The following XKR6 variants were observed in gnomAD, a reference collection of about 807,000 sequenced individuals.
XKR6 encodes the protein XK-related protein 6.
In XKR6, 22 loss-of-function variants were observed where a neutral mutation model predicts 56.7. The observed-to-expected ratio is 0.39, with a 90% CI of 0.28 to 0.55. XKR6 has a LOEUF of 0.55. Ranked by LOEUF, XKR6 falls within the 20% of genes least tolerant of loss-of-function variation. XKR6 has a pLI of 0.66. For synonymous variants in XKR6, 524 were observed against 387.8 expected (o/e 1.35, Z -4.13); for missense variants, 852 against 889.0 (o/e 0.96, Z 0.53).
intron 1 of XKR6, among the ~76,000 whole-genome samples, chr8:10,975,567 C>A (rs138705881): frequency 2.0e-5 from 3 of 152,338 alleles, no homozygotes; most frequent in African/African-American, 7.2e-5. Flanking sequence ...CTGGGGCCCA[C>A]GCCACTGCAC....
chr8:11,105,254 G>A (rs1269864327), intron 1 of XKR6: 1 of 152,162 alleles, frequency 6.6e-6, no homozygotes, highest in Non-Finnish European at 1.5e-5. Flanking sequence ...AGAGAACTCA[G>A]GGTTACAAAC....
At chr8:10,958,171 T>A (rs1354517497) in intron 1 of XKR6, among the ~76,000 whole-genome samples, 1 of 152,178 alleles carries the variant, frequency 6.6e-6, no homozygotes, top group African/African-American at 2.4e-5. Context: ...CAAAATAGTC[T>A]TCAAATGGAC....
intron 1 of XKR6, among the ~76,000 whole-genome samples, chr8:11,042,153 T>C (rs1211714068): frequency 6.6e-6 from 1 of 152,138 alleles, no homozygotes; most frequent in African/African-American, 2.4e-5. Flanking sequence ...ACTCTTCACA[T>C]CACAGCAGGA....
At chr8:10,994,203 G>A (rs1798058482) in intron 1 of XKR6, among the ~76,000 whole-genome samples, 1 of 152,178 alleles carries the variant, frequency 6.6e-6, no homozygotes, top group Non-Finnish European at 1.5e-5. Context: ...ACTAAACCCT[G>A]GAGAAATTGC....
At chr8:11,072,994 G>A (rs955859114) in intron 1 of XKR6, among the ~76,000 whole-genome samples, 4 of 151,616 alleles carry the variant, frequency 2.6e-5, no homozygotes, top group Non-Finnish European at 5.9e-5. Context: ...AGGGTGCAGT[G>A]AGCCAAGATC....
At chr8:11,009,746 G>C (rs1475364703) in intron 1 of XKR6, among the ~76,000 whole-genome samples, 2 of 152,196 alleles carry the variant, frequency 1.3e-5, no homozygotes, top group South Asian at 4.1e-4. Context: ...CAGAAGAAAG[G>C]ACATCAGGGA....
intron 1 of XKR6, among the ~76,000 whole-genome samples, chr8:10,925,967 C>T (rs920147486): frequency 8.6e-5 from 13 of 152,046 alleles, no homozygotes; most frequent in Non-Finnish European, 1.6e-4. Flanking sequence ...GCTCTGTGGG[C>T]CCAGTCAGGA....
At chr8:11,056,476 C>T (rs1799688027) in intron 1 of XKR6, among the ~76,000 whole-genome samples, 1 of 152,184 alleles carries the variant, frequency 6.6e-6, no homozygotes, top group Non-Finnish European at 1.5e-5. Context: ...GCAGACATTT[C>T]TGTGCACATG....
chr8:11,188,196 C>T (rs1337044361), intron 1 of XKR6, among the ~76,000 whole-genome samples: 1 of 152,036 alleles, frequency 6.6e-6, no homozygotes, highest in African/African-American at 2.4e-5. Context: ...CTCATCAGAC[C>T]CCATCCAAAA....
rs762327931 is a variant in XKR6 at position 10,898,096 on chromosome 8, G to A, written c.1782C>T (p.Tyr594=). Reference sequence around the variant, plus strand: ...CTACAAAATGAGCATCCCAAGCTGGGTATCGCTTTCTTGGCATGTCAATCT... The same window carrying A: ...CTACAAAATGAGCATCCCAAGCTGGATATCGCTTTCTTGGCATGTCAATCT... ...LIKIDMPRKR[Y]PAWDAHFVDR... Residue 594 remains tyrosine, a synonymous_variant, in exon 3 of 3, where the codon TAC becomes TAT. Transcript: ENST00000416569. This position sits in a 1 kb window ranked among gnomAD's most constrained non-coding sequence, Gnocchi z 6.6. 1.9e-6 allele frequency: 3 copies of A among 1,614,020 alleles called. No individual in the cohort carries two copies. In the African/African-American group the frequency reaches 4.0e-5, roughly 22 times the overall value.
chr8:11,071,762 C>G (rs996595599), intron 1 of XKR6, among the ~76,000 whole-genome samples: 2 of 152,144 alleles, frequency 1.3e-5, no homozygotes, highest in Non-Finnish European at 2.9e-5. Context: ...GAATACGAGG[C>G]CCAAGGTCAG....
At chr8:11,161,441 T>A (rs919622893) in intron 1 of XKR6, among the ~76,000 whole-genome samples, 5 of 152,182 alleles carry the variant, frequency 3.3e-5, no homozygotes, top group African/African-American at 1.2e-4. Context: ...AAACCTAGAT[T>A]GTCTTTAACT....
At chr8:11,005,161 A>G (rs1324237248) in intron 1 of XKR6, among the ~76,000 whole-genome samples, 1 of 135,382 alleles carries the variant, frequency 7.4e-6, no homozygotes, top group Non-Finnish European at 1.6e-5. Context: ...TGTCCAGCAT[A>G]CATACGTGGA....
rs1301229838 is a variant in XKR6, at chr8:10,898,085, T to C, written c.1793A>G (p.Asp598Gly). The change falls in exon 3 of 3, where the codon GAT (aspartate) becomes GGT (glycine). Residue 598 changes from aspartate to glycine, a missense_variant. This residue lies in a region of XKR6 where 39 missense variants were observed against 62.5 expected (regional missense o/e 0.62). Transcript: ENST00000416569. This position sits in a 1 kb window ranked among gnomAD's most constrained non-coding sequence, Gnocchi z 6.6. Reference sequence around the variant, plus strand: ...CAGCCTCCTGTCTACAAAATGAGCATCCCAAGCTGGGTATCGCTTTCTTGG... The same window carrying C: ...CAGCCTCCTGTCTACAAAATGAGCACCCCAAGCTGGGTATCGCTTTCTTGG... ...DMPRKRYPAW[D>G]AHFVDRRLRR... 6.2e-7 allele frequency: 1 copy of C among 1,614,038 alleles called. No individual in the cohort carries two copies. Among genetic ancestry groups the C allele is most frequent in the Non-Finnish European group, 8.5e-7 (1 of 1,180,016 alleles).
In XKR6 at chr8:11,015,693, C is replaced by A. The variant is rs140390096; in HGVS notation, c.765-90863G>T. Reference sequence around the variant, plus strand: ...CTCCAAAGACTGGTTGAGCTCAGAACCAGAAGGAGCGAGGGAGCAGAGAAA... The same window carrying A: ...CTCCAAAGACTGGTTGAGCTCAGAAACAGAAGGAGCGAGGGAGCAGAGAAA... On this transcript the variant is annotated intron_variant, in intron 1 of 2. Coordinates refer to ENST00000416569, the MANE Select transcript of XKR6 (RefSeq NM_173683.4). Among the ~76,000 whole-genome samples, 686 of 152,150 alleles carry A rather than the reference C, an allele frequency of 4.5e-3. 2 individuals carry two copies. The highest frequency in any genetic ancestry group is 0.016 in the African/African-American group (666 of 41,514).
chr8:10,911,230 GTGTGTGTA>G (rs1385748645), intron 2 of XKR6, among the ~76,000 whole-genome samples: 1 of 142,982 alleles, frequency 7.0e-6, no homozygotes, highest in Non-Finnish European at 1.5e-5. Context: ...GTGTGTGTGT[GTGTGTGTA>G]TAGAGAGAGA....
chr8:11,201,275 T>C lies in XKR6; in HGVS notation c.65A>G (p.Glu22Gly). ...VGFAQLHNLD[E>G]AVGSGGEEDG... ...CTCCTCGCCGCCGCTGCCCACCGCC[T>C]CGTCCAGGTTGTGCAGCTGAGCGAA... The change falls in exon 1 of 3, where the codon GAG (glutamate) becomes GGG (glycine). Residue 22 changes from glutamate (E) to glycine (G), a missense_variant. Around this residue, in one of 4 missense-constraint regions of XKR6, gnomAD observed 417 missense variants for 355.2 expected, o/e 1.17. Coordinates refer to ENST00000416569, the MANE Select transcript of XKR6 (RefSeq NM_173683.4). 1.3e-6 allele frequency: 2 copies of C among 1,569,414 alleles called. No homozygotes were observed. Among genetic ancestry groups the C allele is most frequent in the Non-Finnish European group, 8.6e-7 (1 of 1,167,260 alleles).
chr8:10,991,144 T>G (rs1474259210), intron 1 of XKR6, among the ~76,000 whole-genome samples: 2 of 152,112 alleles, frequency 1.3e-5, no homozygotes, highest in Non-Finnish European at 2.9e-5. Flanking sequence ...CCTCAGGTGA[T>G]CCACCTGTCT....
Position 11,089,312 on chromosome 8 carries a change from C to T in XKR6, c.764+111264G>A, listed in dbSNP as rs75193581. On this transcript the variant is annotated intron_variant, in intron 1 of 2. Coordinates refer to ENST00000416569, the MANE Select transcript of XKR6 (RefSeq NM_173683.4). Reference sequence around the variant, plus strand: ...GAAAGCAATATTTATCATACACTCACGCCAGCCTGGGGTTGAGTGCTTTTT... The same window carrying T: ...GAAAGCAATATTTATCATACACTCATGCCAGCCTGGGGTTGAGTGCTTTTT... 7.7e-3 allele frequency among the ~76,000 whole-genome samples: 1,173 copies of T among 152,290 alleles called. 6 individuals carry two copies. The highest frequency in any genetic ancestry group is 0.011 in the Non-Finnish European group (754 of 68,010).
Sources: allele counts gnomAD v4.1 joint callset (sites outside exome capture counted in the v4.1 genomes callset), GRCh38; gene constraint gnomAD v4.1.1; regional missense constraint gnomAD v4.1.1; non-coding constraint Gnocchi (gnomAD v3.1); transcripts MANE v1.5; gene names NCBI Gene and HGNC (gene_info 2026-07-23, HGNC 2026-07-21).